Variants in RAB7A observed in about 807,000 individuals in gnomAD.
RAB7A encodes the protein ras-related protein Rab-7a.
Under a neutral mutation model 24.5 loss-of-function variants are expected in RAB7A, and 2 were observed. That is an observed-to-expected ratio of 0.08 (90% CI 0.03 to 0.26). The LOEUF (loss-of-function observed/expected upper bound fraction) is 0.26, where lower values mean the gene tolerates loss of function less well. Among genes scored for constraint, RAB7A ranks in the 10% least tolerant of loss-of-function variants. The pLI, the probability that RAB7A is intolerant of heterozygous loss-of-function variation, is 1.00. For synonymous variants in RAB7A, 100 were observed against 95.9 expected (o/e 1.04, Z -0.25); for missense variants, 118 against 255.7 (o/e 0.46, Z 3.67).
chr3:128,752,552 A>T (rs1218561712), intron 1 of RAB7A, among the ~76,000 whole-genome samples: 1 of 152,138 alleles, frequency 6.6e-6, no homozygotes, highest in Admixed American at 6.5e-5. Flanking sequence ...TCTGTTTGTC[A>T]GGTCACCAAA....
At chr3:128,791,591 G>A (rs1933453462) in intron 1 of RAB7A, among the ~76,000 whole-genome samples, 1 of 152,156 alleles carries the variant, frequency 6.6e-6, no homozygotes, top group Admixed American at 6.5e-5. Flanking sequence ...CATAACATTT[G>A]TTTCTGGGCA....
intron 4 of RAB7A, among the ~76,000 whole-genome samples, chr3:128,806,863 A>G (rs1933814722): frequency 1.3e-5 from 2 of 152,240 alleles, no homozygotes; most frequent in African/African-American, 4.8e-5. Context: ...GAAGGAGGGA[A>G]TTCGGTTTTG....
chr3:128,793,913 G>A (rs1933514005), intron 1 of RAB7A, among the ~76,000 whole-genome samples: 1 of 152,200 alleles, frequency 6.6e-6, no homozygotes, highest in African/African-American at 2.4e-5. Flanking sequence ...TGTGTGCCTA[G>A]CAAACCATCC....
At chr3:128,773,579 G>T (rs938680753) in intron 1 of RAB7A, among the ~76,000 whole-genome samples, 1 of 152,208 alleles carries the variant, frequency 6.6e-6, no homozygotes, top group African/African-American at 2.4e-5. Context: ...CCACCACCCC[G>T]TCTGGGAGGT....
chr3:128,795,315 G>A lies in RAB7A; in HGVS notation c.-8-45G>A, dbSNP rs182507583. On this transcript the variant is annotated intron_variant, in intron 1 of 5. Transcript: ENST00000265062. The stretch of plus-strand genomic sequence containing the variant: ...TGTGCAAGGGAGGTGTTTTGTTTTG[G>A]TGTTTCCATCACACTCACAGTGATT... The A allele has an allele frequency of 3.5e-4, 537 of 1,520,192 alleles. 3 individuals carry two copies. The African/African-American group carries it at 6.0e-3, about 17-fold the overall frequency. The allele number at this position is 1,520,192 out of a possible 1,614,324, so 94.2% of individuals were successfully genotyped here.
At chr3:128,754,805 CA>C (rs1271212952) in intron 1 of RAB7A, among the ~76,000 whole-genome samples, 1 of 152,024 alleles carries the variant, frequency 6.6e-6, no homozygotes, top group Non-Finnish European at 1.5e-5. Flanking sequence ...CGAGACAAAG[CA>C]GGACATTATA....
Position 128,813,714 on chromosome 3 carries a change from A to G in RAB7A, c.*292A>G. 1 of 467,708 alleles carries G rather than the reference A, an allele frequency of 2.1e-6. No individual in the cohort carries two copies. The highest frequency in any genetic ancestry group is 2.1e-5 in the South Asian group (1 of 48,478). 29.0% of individuals were successfully genotyped at this position (467,708 alleles called of 1,614,324 possible). A position where few individuals can be genotyped will look rare whatever the true frequency, so the allele number is the denominator to read the frequency against. On this transcript the variant is annotated 3_prime_UTR_variant, in exon 6 of 6. Transcript: ENST00000265062. Reference sequence around the variant, plus strand: ...AGCCCGCGAGTATGGCAGCAGGACAAGCCAGCGGTGGAAGTCATTCTGATA... The same window carrying G: ...AGCCCGCGAGTATGGCAGCAGGACAGGCCAGCGGTGGAAGTCATTCTGATA...
intron 5 of RAB7A, among the ~76,000 whole-genome samples, chr3:128,809,466 C>T (rs770243275): frequency 9.9e-5 from 15 of 152,158 alleles, no homozygotes; most frequent in Non-Finnish European, 1.8e-4. Flanking sequence ...TGCACACAGC[C>T]GGCACACAGC....
At position 128,739,225 on chromosome 3, in the gene RAB7A, G is replaced by A. The variant is rs191194638; in HGVS notation, c.-9+12866G>A. ...ACAGAAGCAGTATAAAAGTCTTAAAGCGGGCCGGGAGTGGTGGCTCACGCC... is the reference window on the plus strand; with the variant it reads ...ACAGAAGCAGTATAAAAGTCTTAAAACGGGCCGGGAGTGGTGGCTCACGCC... On this transcript the variant is annotated intron_variant, in intron 1 of 5. Transcript: ENST00000265062. Among the ~76,000 whole-genome samples the A allele has an allele frequency of 9.4e-4, 143 of 152,248 alleles. 1 individual carries two copies. The highest frequency in any genetic ancestry group is 3.2e-3 in the African/African-American group (134 of 41,550).
intron 1 of RAB7A, among the ~76,000 whole-genome samples, chr3:128,772,629 A>G (rs1932977000): frequency 6.6e-6 from 1 of 152,246 alleles, no homozygotes; most frequent in African/African-American, 2.4e-5. Context: ...TAGCTACAAA[A>G]TGAACTTGTG....
chr3:128,746,835 C>A (rs2107589089), intron 1 of RAB7A, among the ~76,000 whole-genome samples: 1 of 151,438 alleles, frequency 6.6e-6, no homozygotes, highest in Admixed American at 6.6e-5. Context: ...GGCCGGGGTT[C>A]AACTTTTTAA....
At chr3:128,811,446 A>G (rs753852214) in intron 5 of RAB7A, among the ~76,000 whole-genome samples, 10 of 152,252 alleles carry the variant, frequency 6.6e-5, no homozygotes, top group Admixed American at 3.3e-4. Flanking sequence ...CATGCATTCT[A>G]ATATTATTCA....
At chr3:128,756,785 T>C (rs2070732659) in intron 1 of RAB7A, among the ~76,000 whole-genome samples, 1 of 151,788 alleles carries the variant, frequency 6.6e-6, no homozygotes, top group African/African-American at 2.4e-5. Flanking sequence ...GAAAACAGTG[T>C]GGTAATGGCC....
chr3:128,790,937 T>A (rs1165226523), intron 1 of RAB7A, among the ~76,000 whole-genome samples: 1 of 152,160 alleles, frequency 6.6e-6, no homozygotes, highest in African/African-American at 2.4e-5. Context: ...CTGGACTTGT[T>A]TAAATAGGAG....
At chr3:128,768,725 A>AT (rs34053060) in intron 1 of RAB7A, among the ~76,000 whole-genome samples, 3,750 of 137,260 alleles carry the variant, frequency 0.027, 67 homozygotes, top group African/African-American at 0.057. Context: ...CACCTGGCTA[A>AT]TTTTTTTTTT....
chr3:128,782,694 G>A lies in RAB7A; in HGVS notation c.-8-12666G>A, dbSNP rs1192104808. 9.6e-5 allele frequency among the ~76,000 whole-genome samples: 14 copies of A among 146,456 alleles called. No individual in the cohort carries two copies. In the Admixed American group the frequency reaches 9.7e-4, roughly 10 times the overall value. ...AATGGCGGGGTGGGGGGTGGGGGAA[G>A]TGCCCAGGCATTCTTTATGTCTTGT... is the stretch of plus-strand genomic sequence containing the variant. On this transcript the variant is annotated intron_variant, in intron 1 of 5. Transcript: ENST00000265062.
intron 3 of RAB7A, among the ~76,000 whole-genome samples, chr3:128,801,881 A>AG (rs1559796352): frequency 6.6e-6 from 1 of 152,156 alleles, no homozygotes; most frequent in African/African-American, 2.4e-5. Context: ...TAAAAAAAAA[A>AG]GACTTAAAAA....
chr3:128,781,400 G>A (rs56319990), intron 1 of RAB7A, among the ~76,000 whole-genome samples: 1,599 of 152,334 alleles, frequency 0.01, 32 homozygotes, highest in African/African-American at 0.036. Context: ...ACTTGGGGTA[G>A]CTTATCCCTG....
At chr3:128,791,505 ATCCTT>A (rs1285520855) in intron 1 of RAB7A, among the ~76,000 whole-genome samples, 16 of 152,190 alleles carry the variant, frequency 1.1e-4, no homozygotes, top group African/African-American at 3.6e-4. Flanking sequence ...AGTTGACAAA[ATCCTT>A]TCCTTGCATG....
Sources: gnomAD v4.1 joint callset for allele counts (sites outside exome capture counted in the v4.1 genomes callset) on GRCh38, gnomAD v4.1.1 for gene constraint, MANE v1.5 for transcripts, NCBI Gene and HGNC (gene_info 2026-07-23, HGNC 2026-07-21) for gene names.